SLC25A21: variants seen among roughly 807,000 people sequenced by gnomAD.
SLC25A21 encodes solute carrier family 25 member 21.
In SLC25A21, 47 loss-of-function variants were observed where a neutral mutation model predicts 43.8. The ratio of observed to expected loss-of-function variants is 1.07; its 90% CI spans 0.85 to 1.37. The LOEUF (loss-of-function observed/expected upper bound fraction) is 1.37, where lower values mean the gene tolerates loss of function less well. Ranked by LOEUF, SLC25A21 falls within the 40% of genes most tolerant of loss-of-function variation. The pLI is 0.00. For missense variants in SLC25A21, 352 were observed against 350.2 expected, an observed-to-expected ratio of 1.00 and a Z score of -0.04; for synonymous variants, 131 against 121.3, an observed-to-expected ratio of 1.08 and a Z score of -0.52.
intron 2 of SLC25A21, among the ~76,000 whole-genome samples, chr14:36,831,535 A>G (rs992829983): frequency 1.3e-5 from 2 of 152,148 alleles, no homozygotes; most frequent in African/African-American, 4.8e-5. Context: ...ATATGGGGAG[A>G]CTTCTCTAGT....
intron 1 of SLC25A21, among the ~76,000 whole-genome samples, chr14:36,981,258 A>G (rs975985192): frequency 6.6e-6 from 1 of 152,210 alleles, no homozygotes; most frequent in Non-Finnish European, 1.5e-5. Flanking sequence ...AACTAGTTCA[A>G]TCACTGTGGA....
At chr14:36,760,125 G>A (rs1022008733) in intron 3 of SLC25A21, among the ~76,000 whole-genome samples, 2 of 152,116 alleles carry the variant, frequency 1.3e-5, no homozygotes, top group South Asian at 2.1e-4. Context: ...TGAGGACTTC[G>A]CTCCTGGGAT....
intron 1 of SLC25A21, among the ~76,000 whole-genome samples, chr14:37,115,644 A>G (rs1963093788): frequency 1.3e-5 from 2 of 152,148 alleles, no homozygotes; most frequent in South Asian, 2.1e-4. Flanking sequence ...TTTGACTTTG[A>G]TATGTGCCTA....
At chr14:36,897,351 T>A (rs530769665) in intron 1 of SLC25A21, among the ~76,000 whole-genome samples, 1 of 152,358 alleles carries the variant, frequency 6.6e-6, no homozygotes, top group South Asian at 2.1e-4. Flanking sequence ...GGCTTGTGCA[T>A]TCGTCATGTT....
chr14:36,912,823 G>A (rs1483073655), intron 1 of SLC25A21, among the ~76,000 whole-genome samples: 2 of 152,088 alleles, frequency 1.3e-5, no homozygotes, highest in Non-Finnish European at 2.9e-5. Context: ...TGCACACAAT[G>A]GATCACATTC....
chr14:36,758,697 T>A (rs1315409191), intron 3 of SLC25A21, among the ~76,000 whole-genome samples: 1 of 152,090 alleles, frequency 6.6e-6, no homozygotes, highest in Non-Finnish European at 1.5e-5. Flanking sequence ...CTTTGCATTT[T>A]CAGTTGAGAA....
chr14:36,800,639 A>G (rs1335117698), intron 3 of SLC25A21, among the ~76,000 whole-genome samples: 1 of 152,138 alleles, frequency 6.6e-6, no homozygotes, highest in Non-Finnish European at 1.5e-5. Flanking sequence ...GAGAAGATGA[A>G]AAGTTCTGAA....
At chr14:36,945,471 C>T (rs542352016) in intron 1 of SLC25A21, among the ~76,000 whole-genome samples, 2 of 152,122 alleles carry the variant, frequency 1.3e-5, no homozygotes, top group African/African-American at 2.4e-5. Context: ...CCGTGTTCAT[C>T]GACAGATGAA....
At chr14:37,147,970 A>T (rs6571789) in intron 1 of SLC25A21, among the ~76,000 whole-genome samples, 138,984 of 151,316 alleles carry the variant, frequency 0.92, 64,683 homozygotes, top group Non-Finnish European at 1. Context: ...CCCGAGTAGC[A>T]GGGATTGCAG....
intron 1 of SLC25A21, among the ~76,000 whole-genome samples, chr14:37,092,013 G>C (rs1345025563): frequency 6.6e-6 from 1 of 152,162 alleles, no homozygotes; most frequent in Non-Finnish European, 1.5e-5. Flanking sequence ...TATAGTCCCA[G>C]TTACTAGGGA....
chr14:36,867,567 G>A (rs551837659), intron 2 of SLC25A21, among the ~76,000 whole-genome samples: 28 of 152,232 alleles, frequency 1.8e-4, no homozygotes, highest in African/African-American at 6.3e-4. Context: ...CTGCCCAGAA[G>A]GATGCTCTAC....
At chr14:36,742,263 C>A (rs756801837) in intron 3 of SLC25A21, among the ~76,000 whole-genome samples, 1 of 152,166 alleles carries the variant, frequency 6.6e-6, no homozygotes, top group Non-Finnish European at 1.5e-5. Context: ...TCTTCTTCTG[C>A]TGTCAGATCC....
intron 1 of SLC25A21, among the ~76,000 whole-genome samples, chr14:36,963,651 T>C (rs1173197746): frequency 6.6e-6 from 1 of 152,196 alleles, no homozygotes. Flanking sequence ...ATCTGCAACA[T>C]GAGCTGCCGA....
Position 37,071,724 on chromosome 14 carries a change from C to T in SLC25A21, c.70+100557G>A, listed in dbSNP as rs182609728. Reference sequence around the variant, plus strand: ...AAAACACCTGAATTGTATGTATAAGCATGCTTTCAAGATTCAATTTTTTAA... The same window carrying T: ...AAAACACCTGAATTGTATGTATAAGTATGCTTTCAAGATTCAATTTTTTAA... On this transcript the variant is annotated intron_variant, in intron 1 of 9. Coordinates refer to ENST00000331299, the MANE Select transcript of SLC25A21 (RefSeq NM_030631.4). Among the ~76,000 whole-genome samples the T allele has an allele frequency of 7.3e-4, 111 of 152,278 alleles. 1 individual carries two copies. Among genetic ancestry groups the T allele is most frequent in the Non-Finnish European group, 1.2e-3 (85 of 68,012 alleles).
intron 1 of SLC25A21, among the ~76,000 whole-genome samples, chr14:36,996,308 CCTTAA>C (rs1309127544): frequency 1.3e-5 from 2 of 152,146 alleles, no homozygotes; most frequent in Non-Finnish European, 2.9e-5. Context: ...TGTCTGCCAG[CCTTAA>C]CTAGGTCCTC....
intron 1 of SLC25A21, among the ~76,000 whole-genome samples, chr14:36,924,730 TAAC>T (rs1162216897): frequency 6.6e-6 from 1 of 152,142 alleles, no homozygotes; most frequent in Admixed American, 6.6e-5. Flanking sequence ...TAATACAGTA[TAAC>T]AACTACTTAC....
intron 3 of SLC25A21, among the ~76,000 whole-genome samples, chr14:36,799,014 G>A (rs1887775008): frequency 1.3e-5 from 2 of 152,084 alleles, no homozygotes; most frequent in South Asian, 4.1e-4. Flanking sequence ...AGAGTTTGAG[G>A]ACAAGAGAGC....
At chr14:36,844,208 G>A (rs1179525340) in intron 2 of SLC25A21, among the ~76,000 whole-genome samples, 1 of 152,166 alleles carries the variant, frequency 6.6e-6, no homozygotes, top group African/African-American at 2.4e-5. Flanking sequence ...CATTAATCAG[G>A]TTAGTAACAA....
chr14:36,899,452 T>C (rs537470266), intron 1 of SLC25A21, among the ~76,000 whole-genome samples: 33 of 152,366 alleles, frequency 2.2e-4, no homozygotes, highest in South Asian at 4.1e-4. Flanking sequence ...GTCTCCGAAC[T>C]AAATTCAACT....
Sources: gnomAD v4.1 joint callset for allele counts (sites outside exome capture counted in the v4.1 genomes callset) on GRCh38, gnomAD v4.1.1 for gene constraint, MANE v1.5 for transcripts, NCBI Gene and HGNC (gene_info 2026-07-23, HGNC 2026-07-21) for gene names.